Variants in MECR observed in about 807,000 individuals in gnomAD.
MECR encodes the protein enoyl-[acyl-carrier-protein] reductase, mitochondrial.
A neutral mutation model predicts 49.1 loss-of-function variants in MECR; 37 were observed. The ratio of observed to expected loss-of-function variants is 0.75; its 90% confidence interval spans 0.58 to 0.99. The LOEUF (loss-of-function observed/expected upper bound fraction) is 0.99. Among genes scored for constraint, MECR ranks in the 50% least tolerant of loss-of-function variants. MECR has a pLI of 0.00. For synonymous variants in MECR, 198 were observed against 191.1 expected, an observed-to-expected ratio of 1.04 and a Z score of -0.30; for missense variants, 470 against 479.6, an observed-to-expected ratio of 0.98 and a Z score of 0.19.
At chr1:29,213,952 CAT>C (rs1316311994) in intron 3 of MECR, among the ~76,000 whole-genome samples, 3 of 151,992 alleles carry the variant, frequency 2.0e-5, no homozygotes, top group Non-Finnish European at 4.4e-5. Flanking sequence ...GGGGAGATCT[CAT>C]CTAAGAACAA....
At chr1:29,217,006 C>T (rs370551975) in intron 1 of MECR, among the ~76,000 whole-genome samples, 4 of 150,936 alleles carry the variant, frequency 2.7e-5, no homozygotes, top group Admixed American at 6.6e-5. Flanking sequence ...TGGTGGTCGG[C>T]GCCTGTAATC....
At chr1:29,221,026 T>C (rs1326711053) in intron 1 of MECR, 1 of 519,786 alleles carries the variant, frequency 1.9e-6, no homozygotes, top group Non-Finnish European at 2.5e-6. Context: ...TATCAGATAC[T>C]GTGCCAAGGG....
intron 7 of MECR, chr1:29,200,225 C>T (rs1674979169): frequency 7.8e-6 from 2 of 256,272 alleles, no homozygotes; most frequent in Admixed American, 1.1e-4. Context: ...TCAGACATCC[C>T]TAGGTTATAA....
At chr1:29,209,048 G>C (rs536310682) in intron 3 of MECR, among the ~76,000 whole-genome samples, 1 of 152,324 alleles carries the variant, frequency 6.6e-6, no homozygotes, top group East Asian at 1.9e-4. Context: ...AGAGTGATGG[G>C]AAGAGTGGCT....
At chr1:29,181,964 G>C in the MECR span, 1 of 391,918 alleles carries the variant, frequency 2.6e-6, no homozygotes, top group East Asian at 4.3e-5. Flanking sequence ...ACCGGAGAGA[G>C]CGCGCGTTCG....
intron 1 of MECR, among the ~76,000 whole-genome samples, chr1:29,227,717 A>C (rs1682457723): frequency 6.6e-6 from 1 of 152,196 alleles, no homozygotes; most frequent in African/African-American, 2.4e-5. Flanking sequence ...TACCTGGTGT[A>C]ACCTGACCCA....
At chr1:29,200,474 G>A in intron 7 of MECR, 42 bp downstream of exon 7, 2 of 1,579,638 alleles carry the variant, frequency 1.3e-6, no homozygotes, top group Non-Finnish European at 1.7e-6. Context: ...TAAAGACCTG[G>A]AGAGCTCTGG....
At chr1:29,181,559 C>G in the MECR span, 1 of 1,203,578 alleles carries the variant, frequency 8.3e-7, no homozygotes, top group East Asian at 2.9e-5. Context: ...TCCGCGCGGA[C>G]CAGGCGTCCC....
At chr1:29,182,460 T>C in the MECR span, among the ~76,000 whole-genome samples, 3 of 152,254 alleles carry the variant, frequency 2.0e-5, no homozygotes, top group Non-Finnish European at 1.5e-5. Flanking sequence ...ACTGCTTAAA[T>C]AGAAGCAGTG....
At position 29,193,594 on chromosome 1, in the gene MECR, G is replaced by A. The variant is rs1248483917; in HGVS notation, c.*428C>T. ...GGCTACCTGAGAAGCACATCAAAGCGTTTGTTCTACAGGACCCTCGTCTGT... is the reference window on the plus strand; with the variant it reads ...GGCTACCTGAGAAGCACATCAAAGCATTTGTTCTACAGGACCCTCGTCTGT... On this transcript the variant is annotated 3_prime_UTR_variant, in exon 10 of 10. Transcript: ENST00000263702. The A allele has an allele frequency of 2.4e-5, 4 of 169,422 alleles. No individual in the cohort carries two copies. Among genetic ancestry groups the A allele is most frequent in the African/African-American group, 4.8e-5 (2 of 41,610 alleles). The allele number at this position is 169,422 out of a possible 1,614,324, so 10.5% of individuals were successfully genotyped here.
At chr1:29,176,288 AT>A in the MECR span, among the ~76,000 whole-genome samples, 4 of 151,944 alleles carry the variant, frequency 2.6e-5, no homozygotes, top group Non-Finnish European at 5.9e-5. Flanking sequence ...AAAACAACAA[AT>A]AGGTGGTAGG....
chr1:29,180,720 C>A, the MECR span, among the ~76,000 whole-genome samples: 3 of 152,230 alleles, frequency 2.0e-5, no homozygotes, highest in African/African-American at 7.2e-5. Flanking sequence ...ATCTGGTTCC[C>A]AGTTTTCCCC....
chr1:29,220,762 AAATGGGAT>A (rs1288659829), intron 1 of MECR: 78 of 342,286 alleles, frequency 2.3e-4, no homozygotes, highest in African/African-American at 1.7e-3. Context: ...TTCCTCCGTA[AAATGGGAT>A]AACACGAGAA....
chr1:29,197,329 C>T lies in MECR; in HGVS notation c.831-1071G>A, dbSNP rs547729761. Among the ~76,000 whole-genome samples, 112 of 152,280 alleles carry T rather than the reference C, an allele frequency of 7.4e-4. 1 individual carries two copies. Among genetic ancestry groups the T allele is most frequent in the African/African-American group, 2.6e-3 (106 of 41,552 alleles). ...TGCCAGTGCTCATTCTAAGAATCAA[C>T]GTGAGGAAACAGCTCTACAGATAAG... is the stretch of plus-strand genomic sequence containing the variant. On this transcript the variant is annotated intron_variant, in intron 7 of 9. Transcript: ENST00000263702.
At chr1:29,179,190 C>T in the MECR span, among the ~76,000 whole-genome samples, 24 of 152,182 alleles carry the variant, frequency 1.6e-4, no homozygotes, top group African/African-American at 4.8e-4. Flanking sequence ...ATCTAATAGT[C>T]GTTGTTTCTG....
the MECR span, among the ~76,000 whole-genome samples, chr1:29,185,896 G>C: frequency 6.6e-6 from 1 of 152,110 alleles, no homozygotes. Flanking sequence ...AGATGGGGGG[G>C]ATCTCCTGAG....
chr1:29,193,426 T>C lies in MECR; in HGVS notation c.*596A>G, dbSNP rs992255651. 2 of 181,126 alleles carry C rather than the reference T, an allele frequency of 1.1e-5. No individual in the cohort carries two copies. Among genetic ancestry groups the C allele is most frequent in the African/African-American group, 4.8e-5 (2 of 41,538 alleles). 11.2% of individuals were successfully genotyped at this position (181,126 alleles called of 1,614,324 possible). On this transcript the variant is annotated 3_prime_UTR_variant, in exon 10 of 10. Transcript: ENST00000263702. The stretch of plus-strand genomic sequence containing the variant: ...ATTGCCTCTGGTTGAGAACCACTGG[T>C]ATATTGTCTATGTCTCCAGTTAGAA...
At chr1:29,204,744 C>G (rs1574329882) in intron 4 of MECR, among the ~76,000 whole-genome samples, 1 of 152,242 alleles carries the variant, frequency 6.6e-6, no homozygotes, top group East Asian at 1.9e-4. Context: ...ACAGCTGCAG[C>G]CTAAATGGGA....
Position 29,196,262 on chromosome 1 carries a change from A to G in MECR, c.831-4T>C, listed in dbSNP as rs780483765. The G allele has an allele frequency of 1.9e-6, 3 of 1,610,908 alleles. No homozygotes were observed. The highest frequency in any genetic ancestry group is 2.5e-6 in the Non-Finnish European group (3 of 1,177,800). On this transcript the variant is annotated splice_polypyrimidine_tract_variant and splice_region_variant and intron_variant, in intron 7 of 9. Transcript: ENST00000263702. Reference sequence around the variant, plus strand: ...GGTTACCATGGTTCCTCCACGCCTGAAAAGTCCAAAGAGAACAAAGAGTGG... The same window carrying G: ...GGTTACCATGGTTCCTCCACGCCTGGAAAGTCCAAAGAGAACAAAGAGTGG...
Sources: gnomAD v4.1 joint callset for allele counts (sites outside exome capture counted in the v4.1 genomes callset) on GRCh38, gnomAD v4.1.1 for gene constraint, MANE v1.5 for transcripts, NCBI Gene and HGNC (gene_info 2026-07-23, HGNC 2026-07-21) for gene names.